The following BOC variants were observed in gnomAD, a reference collection of about 807,000 sequenced individuals.
The protein encoded by BOC is BOC cell adhesion associated, oncogene regulated, also known as brother of CDO.
BOC carries 76 observed loss-of-function variants against 112.0 expected under a neutral mutation model. The ratio of observed to expected loss-of-function variants is 0.68; its 90% confidence interval spans 0.56 to 0.82. The LOEUF is 0.82. Ranked by LOEUF, BOC falls within the 40% of genes least tolerant of loss-of-function variation. BOC has a pLI of 0.00. For synonymous variants in BOC, 580 were observed against 599.8 expected, an observed-to-expected ratio of 0.97 and a Z score of 0.48; for missense variants, 1,309 against 1,511.7, an observed-to-expected ratio of 0.87 and a Z score of 2.22.
chr3:113,284,229 C>T, intron 16 of BOC, 106 bp from the exon 17 acceptor site: 2 of 925,036 alleles, frequency 2.2e-6, no homozygotes, highest in Non-Finnish European at 3.5e-6. Flanking sequence ...TGCCTACGTC[C>T]TTCAACCCTC....
chr3:113,261,921 A>G (rs1226304016), intron 4 of BOC: 2 of 152,184 alleles, frequency 1.3e-5, no homozygotes, highest in Admixed American at 6.5e-5. Context: ...CTGAAAGGAA[A>G]AGAAAGAAAC....
chr3:113,271,665 A>T (rs1948138113), intron 6 of BOC: 1 of 170,154 alleles, frequency 5.9e-6, no homozygotes, highest in African/African-American at 2.4e-5. Flanking sequence ...AACTGTATAA[A>T]TTTCAGGTTT....
At chr3:113,268,904 T>C (rs535399924) in intron 5 of BOC, among the ~76,000 whole-genome samples, 4 of 152,370 alleles carry the variant, frequency 2.6e-5, no homozygotes, top group East Asian at 1.9e-4. Flanking sequence ...TCATGTGTTC[T>C]TTCTTGATAT....
chr3:113,251,013 C>T (rs1945566416), intron 4 of BOC, 180 bp downstream of exon 4: 3 of 786,740 alleles, frequency 3.8e-6, no homozygotes, highest in Non-Finnish European at 6.0e-6. Context: ...GACCCTTGTG[C>T]CCTTGGAAAA....
intron 4 of BOC, among the ~76,000 whole-genome samples, chr3:113,257,770 T>G (rs752295165): frequency 1.3e-5 from 2 of 152,244 alleles, no homozygotes; most frequent in Non-Finnish European, 2.9e-5. Context: ...TACAACTTAA[T>G]GCATTCTATT....
At chr3:113,265,885 T>C (rs944250594) in intron 4 of BOC, among the ~76,000 whole-genome samples, 5 of 152,252 alleles carry the variant, frequency 3.3e-5, no homozygotes, top group African/African-American at 1.2e-4. Flanking sequence ...GGCTCAGCCT[T>C]CCAAACTGTA....
In BOC at chr3:113,274,231, G is replaced by T; in HGVS notation, c.1235-144G>T. 1.4e-6 allele frequency: 1 copy of T among 706,056 alleles called. No homozygotes were observed. The allele number at this position is 706,056 out of a possible 1,614,324, so 43.7% of individuals were successfully genotyped here. ...GCGCTGTCTTCCACGGAGCCTGGCTGGGCAGCACAGAGTGGGTGGCGGTAC... is the reference window on the plus strand; with the variant it reads ...GCGCTGTCTTCCACGGAGCCTGGCTTGGCAGCACAGAGTGGGTGGCGGTAC... On this transcript the variant is annotated intron_variant, in intron 8 of 19. Transcript: ENST00000682979. This position sits in a 1 kb window ranked among gnomAD's most constrained non-coding sequence, Gnocchi z 4.8.
At position 113,278,041 on chromosome 3, in the gene BOC, C is replaced by G; in HGVS notation, c.1543-54C>G. ...CGCTGCTTTCTTTGTAAACCATAGC[C>G]CACTCGTAGCCCGAGGCTGAGATGC... On this transcript the variant is annotated intron_variant, in intron 9 of 19. Coordinates refer to ENST00000682979, the MANE Select transcript of BOC (RefSeq NM_001378074.1). The surrounding 1 kb of genome is among the most constrained non-coding windows in gnomAD (Gnocchi z 4.2). 6.3e-7 allele frequency: 1 copy of G among 1,597,980 alleles called. No individual in the cohort carries two copies. The highest frequency in any genetic ancestry group is 8.6e-7 in the Non-Finnish European group (1 of 1,167,890).
chr3:113,249,768 T>G lies in BOC; in HGVS notation c.-35T>G. ...ATCTCTTTGTGTGACCCTGGCGGCT[T>G]ATGGGACGTTGGCTTCAGACCTTTG... On this transcript the variant is annotated 5_prime_UTR_variant, in exon 3 of 20. It introduces an in-frame stop codon into an upstream open reading frame of the 5' UTR. Transcript: ENST00000682979. The G allele has an allele frequency of 6.4e-7, 1 of 1,573,676 alleles. No individual in the cohort carries two copies. The highest frequency in any genetic ancestry group is 8.7e-7 in the Non-Finnish European group (1 of 1,155,304).
At chr3:113,232,859 T>A (rs996417031) in intron 2 of BOC, among the ~76,000 whole-genome samples, 1 of 152,240 alleles carries the variant, frequency 6.6e-6, no homozygotes, top group African/African-American at 2.4e-5. Flanking sequence ...TATAGATGTT[T>A]ACTAATGTGA....
At chr3:113,242,401 A>C (rs968814138) in intron 2 of BOC, among the ~76,000 whole-genome samples, 10 of 152,262 alleles carry the variant, frequency 6.6e-5, no homozygotes, top group Admixed American at 5.9e-4. Flanking sequence ...ACTCCCCAGT[A>C]ACTTTTTCCT....
chr3:113,248,199 A>G (rs1013597278), intron 2 of BOC, among the ~76,000 whole-genome samples: 2 of 152,178 alleles, frequency 1.3e-5, no homozygotes, highest in African/African-American at 4.8e-5. Flanking sequence ...AAGCCAAAGG[A>G]CCACAGGTCT....
intron 2 of BOC, among the ~76,000 whole-genome samples, chr3:113,234,487 T>C (rs1339122265): frequency 1.3e-5 from 2 of 152,358 alleles, no homozygotes; most frequent in South Asian, 4.1e-4. Context: ...CAGTTTATCT[T>C]GTAGCTTAAC....
intron 15 of BOC, among the ~76,000 whole-genome samples, 195 bp from the exon 16 acceptor site, chr3:113,283,216 C>T (rs1481712149): frequency 6.6e-6 from 1 of 152,210 alleles, no homozygotes; most frequent in Non-Finnish European, 1.5e-5. Flanking sequence ...GTCTCCGCCA[C>T]AACACCAGAT....
In BOC at chr3:113,274,652, A is replaced by C. The variant is rs753571719; in HGVS notation, c.1512A>C (p.Pro504=). The C allele has an allele frequency of 6.2e-7, 1 of 1,606,788 alleles. No individual in the cohort carries two copies. Among genetic ancestry groups the C allele is most frequent in the South Asian group, 1.1e-5 (1 of 90,764 alleles). The change falls in exon 9 of 20, where the codon CCA becomes CCC. Residue 504 remains proline (P), a synonymous_variant. Coordinates refer to ENST00000682979, the MANE Select transcript of BOC (RefSeq NM_001378074.1). This position sits in a 1 kb window ranked among gnomAD's most constrained non-coding sequence, Gnocchi z 4.8. The stretch of plus-strand genomic sequence containing the variant: ...GGCATGAGGGCAGTGGCCGGGCGCC[A>C]ATCCTCTACTATGTGGTGAAACACC... ...RPRHEGSGRA[P]ILYYVVKHRK...
intron 19 of BOC, among the ~76,000 whole-genome samples, chr3:113,285,840 G>A (rs1403041839): frequency 1.3e-5 from 2 of 152,152 alleles, no homozygotes; most frequent in African/African-American, 4.8e-5. Flanking sequence ...CCATTTCAGA[G>A]AAAAAAGCCC....
intron 2 of BOC, among the ~76,000 whole-genome samples, chr3:113,236,031 G>A (rs929699182): frequency 3.3e-5 from 5 of 151,380 alleles, no homozygotes; most frequent in Non-Finnish European, 7.4e-5. Flanking sequence ...GAAAATAGAA[G>A]TATCATATGA....
At chr3:113,254,994 C>T (rs1946076489) in intron 4 of BOC, among the ~76,000 whole-genome samples, 2 of 152,208 alleles carry the variant, frequency 1.3e-5, no homozygotes, top group Non-Finnish European at 2.9e-5. Context: ...CTCTCTCCCT[C>T]CCTCCACCCC....
chr3:113,268,432 G>A lies in BOC; in HGVS notation c.510G>A (p.Leu170=). Residue 170 remains leucine (L), a synonymous_variant, in exon 5 of 20, where the codon CTG becomes CTA. Transcript: ENST00000682979. Reference sequence around the variant, plus strand: ...GGTACAGCGTCAAACAAGAGTGGCTGGAGGCCTCCAGAGGTGAGTGGGCAG... The same window carrying A: ...GGTACAGCGTCAAACAAGAGTGGCTAGAGGCCTCCAGAGGTGAGTGGGCAG... ...QVRYSVKQEW[L]EASRGNYLIM... The A allele has an allele frequency of 6.2e-7, 1 of 1,613,930 alleles. No individual in the cohort carries two copies.
Sources: allele counts gnomAD v4.1 joint callset (sites outside exome capture counted in the v4.1 genomes callset), GRCh38; gene constraint gnomAD v4.1.1; non-coding constraint Gnocchi (gnomAD v3.1); transcripts MANE v1.5; gene names NCBI Gene and HGNC (gene_info 2026-07-23, HGNC 2026-07-21).